Variants in PTDSS1 observed in about 807,000 individuals in gnomAD.
PTDSS1 encodes the protein PSS-1.
PTDSS1 carries 45 observed loss-of-function variants against 70.5 expected under a neutral mutation model. That is an observed-to-expected ratio of 0.64 (90% CI 0.50 to 0.82). The LOEUF is 0.82. PTDSS1 is among the 40% of genes least tolerant of loss of function. The probability of loss-of-function intolerance (pLI) is 0.00; values close to 1 mark genes in which losing one functional copy is unlikely to be tolerated. For synonymous variants in PTDSS1, 188 were observed against 203.8 expected, an observed-to-expected ratio of 0.92 and a Z score of 0.66; for missense variants, 417 against 586.1, an observed-to-expected ratio of 0.71 and a Z score of 2.98.
chr8:96,284,368 A>G (rs1810791961), intron 3 of PTDSS1, among the ~76,000 whole-genome samples: 1 of 152,240 alleles, frequency 6.6e-6, no homozygotes, highest in Non-Finnish European at 1.5e-5. Context: ...GAACTGTTTC[A>G]ACTCCACATG....
At chr8:96,293,833 G>T (rs1400887109) in intron 4 of PTDSS1, among the ~76,000 whole-genome samples, 1 of 152,192 alleles carries the variant, frequency 6.6e-6, no homozygotes, top group African/African-American at 2.4e-5. Context: ...AGAAGAGGGT[G>T]GGGTGGTTGA....
intron 5 of PTDSS1, among the ~76,000 whole-genome samples, chr8:96,299,461 A>G (rs1811020551): frequency 1.3e-5 from 2 of 152,194 alleles, no homozygotes; most frequent in Non-Finnish European, 2.9e-5. Flanking sequence ...CCCTGTGTCA[A>G]AAAGAGAAGA....
chr8:96,331,852 C>G (rs528304808), intron 12 of PTDSS1, among the ~76,000 whole-genome samples: 11 of 151,956 alleles, frequency 7.2e-5, no homozygotes, highest in African/African-American at 2.7e-4. Flanking sequence ...TATTTGAGAC[C>G]AGCATGGGCA....
chr8:96,332,494 TG>T (rs1203114542), intron 12 of PTDSS1, among the ~76,000 whole-genome samples: 2 of 152,122 alleles, frequency 1.3e-5, no homozygotes, highest in African/African-American at 2.4e-5. Flanking sequence ...GCCGCCCTTT[TG>T]GGGAAAGTTT....
At position 96,333,544 on chromosome 8, in the gene PTDSS1, C is replaced by T. The variant is rs770553248; in HGVS notation, c.1400C>T (p.Thr467Ile). 6.2e-7 allele frequency: 1 copy of T among 1,611,934 alleles called. No individual in the cohort carries two copies. Among genetic ancestry groups the T allele is most frequent in the Non-Finnish European group, 8.5e-7 (1 of 1,178,024 alleles). The change falls in exon 13 of 13, where the codon ACC (threonine) becomes ATC (isoleucine). Residue 467 changes from threonine (T) to isoleucine (I), a missense_variant. Thr to Ile is a moderately conservative substitution (Grantham distance 89, BLOSUM62 -1). This residue lies in a region of PTDSS1 where 107 missense variants were observed against 122.3 expected (regional missense o/e 0.88). Coordinates refer to ENST00000517309, the MANE Select transcript of PTDSS1 (RefSeq NM_014754.3). ...RRNRHSKSKV[T>I]NGVGKK ...AATCGGCATTCCAAGTCAAAAGTCA[C>T]CAATGGCGTTGGAAAGAAATGAAAA...
At chr8:96,270,172 C>T (rs1448227866) in intron 1 of PTDSS1, among the ~76,000 whole-genome samples, 1 of 152,104 alleles carries the variant, frequency 6.6e-6, no homozygotes, top group Non-Finnish European at 1.5e-5. Context: ...GGGCCAGACC[C>T]TATCAGTAAA....
rs560269169 is a variant in PTDSS1 at position 96,273,232 on chromosome 8, C to T, written c.180-67C>T. On this transcript the variant is annotated intron_variant, in intron 1 of 12. Transcript: ENST00000517309. ...CCCCCAGTTTTTAGAACATGGAAATCTTCCTTCCTCTAGGTTTTCTATTTG... is the reference window on the plus strand; with the variant it reads ...CCCCCAGTTTTTAGAACATGGAAATTTTCCTTCCTCTAGGTTTTCTATTTG... 7.7e-5 allele frequency: 91 copies of T among 1,185,318 alleles called. 1 individual carries two copies. In the East Asian group the frequency reaches 2.2e-3, roughly 28 times the overall value. The allele number at this position is 1,185,318 out of a possible 1,614,324, so 73.4% of individuals were successfully genotyped here.
intron 9 of PTDSS1, among the ~76,000 whole-genome samples, chr8:96,317,057 A>ATG (rs749702023): frequency 1.1e-4 from 17 of 148,508 alleles, no homozygotes; most frequent in Admixed American, 2.7e-4. Context: ...GTATATATAT[A>ATG]TGTGTGTGTG....
At position 96,331,102 on chromosome 8, in the gene PTDSS1, T is replaced by G. The variant is rs2130187356; in HGVS notation, c.1312+7T>G. ...CACAGGAAAGGGACAAAAGGTATCT[T>G]GTTCTTGTTCGTTGTTTAAAATTTT... On this transcript the variant is annotated splice_region_variant and intron_variant, in intron 12 of 12. Coordinates refer to ENST00000517309, the MANE Select transcript of PTDSS1 (RefSeq NM_014754.3). The G allele has an allele frequency of 3.3e-6, 2 of 603,872 alleles. No homozygotes were observed. Among genetic ancestry groups the G allele is most frequent in the South Asian group, 2.5e-5 (1 of 40,342 alleles). 37.4% of individuals were successfully genotyped at this position (603,872 alleles called of 1,614,324 possible).
chr8:96,279,844 A>C (rs542174229), intron 2 of PTDSS1, among the ~76,000 whole-genome samples: 26 of 150,824 alleles, frequency 1.7e-4, no homozygotes, highest in South Asian at 4.1e-4. Context: ...TAAATAAATA[A>C]ATAAATAAAT....
rs984648343 is a variant in PTDSS1, at chr8:96,274,524, G to A, written c.271+1134G>A. ...GCGGATCAGCTGAGGTCAGGAGTTC[G>A]AGACCAGCGTGACCAACATGGAGAA... On this transcript the variant is annotated intron_variant, in intron 2 of 12. Coordinates refer to ENST00000517309, the MANE Select transcript of PTDSS1 (RefSeq NM_014754.3). Among the ~76,000 whole-genome samples the A allele has an allele frequency of 3.9e-5, 6 of 152,112 alleles. No homozygotes were observed. The South Asian group carries it at 8.3e-4, about 21-fold the overall frequency.
chr8:96,310,444 G>A (rs1049760629), intron 9 of PTDSS1, among the ~76,000 whole-genome samples: 3 of 151,606 alleles, frequency 2.0e-5, no homozygotes, highest in Non-Finnish European at 2.9e-5. Flanking sequence ...TTACAGGCAT[G>A]AGCCACCGCA....
chr8:96,333,309 C>G, intron 12 of PTDSS1, 148 bp from the exon 13 acceptor site: 1 of 716,974 alleles, frequency 1.4e-6, no homozygotes, highest in South Asian at 1.7e-5. Flanking sequence ...GTTTGAGAGC[C>G]TCGCCTTCAT....
chr8:96,274,184 C>T (rs1186564111), intron 2 of PTDSS1, among the ~76,000 whole-genome samples: 7 of 151,430 alleles, frequency 4.6e-5, no homozygotes. Context: ...GAAATTGTTC[C>T]AGTCTTTCTT....
chr8:96,321,161 A>G (rs781431238), intron 10 of PTDSS1, among the ~76,000 whole-genome samples: 13 of 152,194 alleles, frequency 8.5e-5, no homozygotes, highest in Non-Finnish European at 1.3e-4. Context: ...TTATCAACTC[A>G]GGGCCAATTG....
At chr8:96,296,011 T>C (rs778143811) in intron 5 of PTDSS1, among the ~76,000 whole-genome samples, 11 of 152,076 alleles carry the variant, frequency 7.2e-5, no homozygotes, top group Non-Finnish European at 5.9e-5. Flanking sequence ...GAGCATTTTT[T>C]TCAGGCTCCT....
chr8:96,299,633 C>G, intron 5 of PTDSS1, 61 bp from the exon 6 acceptor site: 1 of 1,451,510 alleles, frequency 6.9e-7, no homozygotes, highest in Non-Finnish European at 9.3e-7. Flanking sequence ...GGAAATCTAT[C>G]TATCTGCATG....
chr8:96,265,038 G>T (rs987306504), intron 1 of PTDSS1, among the ~76,000 whole-genome samples: 2 of 152,128 alleles, frequency 1.3e-5, no homozygotes, highest in African/African-American at 4.8e-5. Flanking sequence ...CTTAAGTGGG[G>T]CATTACAATG....
At chr8:96,266,209 T>C (rs1296991725) in intron 1 of PTDSS1, among the ~76,000 whole-genome samples, 1 of 152,222 alleles carries the variant, frequency 6.6e-6, no homozygotes, top group East Asian at 1.9e-4. Context: ...CATTAAACAG[T>C]AGAATCAGCC....
Sources: allele counts gnomAD v4.1 joint callset (sites outside exome capture counted in the v4.1 genomes callset), GRCh38; gene constraint gnomAD v4.1.1; regional missense constraint gnomAD v4.1.1; transcripts MANE v1.5; gene names NCBI Gene and HGNC (gene_info 2026-07-23, HGNC 2026-07-21).